The following SNTG1 variants were observed in gnomAD, a reference collection of about 807,000 sequenced individuals.
SNTG1 encodes gamma-1-syntrophin.
SNTG1 carries 39 observed loss-of-function variants against 74.7 expected under a neutral mutation model. That is an observed-to-expected ratio of 0.52 (90% CI 0.40 to 0.68). SNTG1 has a LOEUF of 0.68. Ranked by LOEUF, SNTG1 falls within the 30% of genes least tolerant of loss-of-function variation. The pLI, the probability that SNTG1 is intolerant of heterozygous loss-of-function variation, is 0.00. For synonymous variants in SNTG1, 254 were observed against 217.1 expected, an observed-to-expected ratio of 1.17 and a Z score of -1.49; for missense variants, 685 against 609.5, an observed-to-expected ratio of 1.12 and a Z score of -1.30.
chr8:49,989,583 C>T (rs1409198501), intron 1 of SNTG1, among the ~76,000 whole-genome samples: 2 of 151,910 alleles, frequency 1.3e-5, no homozygotes, highest in Non-Finnish European at 2.9e-5. Context: ...TAAGATGAAA[C>T]ACTTCCCAAC....
At chr8:50,508,331 T>G (rs1008906034) in intron 9 of SNTG1, among the ~76,000 whole-genome samples, 1 of 152,230 alleles carries the variant, frequency 6.6e-6, no homozygotes, top group Non-Finnish European at 1.5e-5. Flanking sequence ...TGTTGGATAT[T>G]TGGCTTGGTT....
chr8:50,391,298 C>G (rs191278142), intron 2 of SNTG1, among the ~76,000 whole-genome samples: 33 of 152,106 alleles, frequency 2.2e-4, no homozygotes, highest in Non-Finnish European at 2.8e-4. Context: ...TGAATTTTGT[C>G]GAAGGTCTTT....
In SNTG1 at chr8:50,714,780, G is replaced by T. The variant is rs184468115; in HGVS notation, c.1284+5802G>T. On this transcript the variant is annotated intron_variant, in intron 17 of 18. Transcript: ENST00000642720. ...GGCCACATGATCAAGGTCCAGCACAGGCTCAACCACAATCTAATTTACACA... is the reference window on the plus strand; with the variant it reads ...GGCCACATGATCAAGGTCCAGCACATGCTCAACCACAATCTAATTTACACA... Among the ~76,000 whole-genome samples the T allele has an allele frequency of 9.0e-4, 137 of 152,104 alleles. 1 individual carries two copies. The highest frequency in any genetic ancestry group is 6.8e-3 in the Middle Eastern group (2 of 294).
At chr8:50,722,553 T>C (rs1471582543) in intron 17 of SNTG1, among the ~76,000 whole-genome samples, 1 of 152,164 alleles carries the variant, frequency 6.6e-6, no homozygotes, top group East Asian at 1.9e-4. Flanking sequence ...TTCCTTCAAA[T>C]AAGATTTATC....
intron 13 of SNTG1, among the ~76,000 whole-genome samples, chr8:50,651,341 T>TA (rs1207350359): frequency 6.6e-6 from 1 of 152,092 alleles, no homozygotes; most frequent in African/African-American, 2.4e-5. Flanking sequence ...TGTTGAGACT[T>TA]AAAAAAATGC....
chr8:50,005,041 T>A (rs1815085939), intron 1 of SNTG1, among the ~76,000 whole-genome samples: 2 of 152,154 alleles, frequency 1.3e-5, no homozygotes, highest in South Asian at 4.1e-4. Flanking sequence ...TTTCTATAAA[T>A]ATAATAAAAT....
chr8:50,550,745 G>A (rs535864755), intron 11 of SNTG1, among the ~76,000 whole-genome samples: 14 of 151,828 alleles, frequency 9.2e-5, no homozygotes, highest in South Asian at 2.1e-4. Context: ...TAAGGTTACC[G>A]TTAATGCTGT....
intron 1 of SNTG1, chr8:49,915,153 T>C (rs1395782755): frequency 6.6e-6 from 1 of 152,180 alleles, no homozygotes; most frequent in Admixed American, 6.5e-5. Context: ...GAATTTTTCT[T>C]CCTTAAATTT....
At chr8:50,375,882 G>A (rs2092367815) in intron 2 of SNTG1, among the ~76,000 whole-genome samples, 2 of 152,130 alleles carry the variant, frequency 1.3e-5, no homozygotes, top group Admixed American at 6.5e-5. Context: ...AGGTTATATA[G>A]CAACTTTACG....
intron 2 of SNTG1, among the ~76,000 whole-genome samples, chr8:50,183,748 AC>A: frequency 6.6e-6 from 1 of 152,082 alleles, no homozygotes; most frequent in Middle Eastern, 3.4e-3. Flanking sequence ...TCAACTTGTG[AC>A]CCCCAAACCT....
intron 1 of SNTG1, among the ~76,000 whole-genome samples, chr8:50,145,204 T>C (rs1358075225): frequency 6.6e-6 from 1 of 151,952 alleles, no homozygotes; most frequent in East Asian, 1.9e-4. Flanking sequence ...TTGGAATGGA[T>C]TGAGGGATTG....
In SNTG1 at chr8:50,358,162, C is replaced by T. The variant is rs531859714; in HGVS notation, c.-27-36050C>T. Among the ~76,000 whole-genome samples the T allele has an allele frequency of 3.3e-5, 5 of 152,224 alleles. No individual in the cohort carries two copies. In the South Asian group the frequency reaches 1.0e-3, roughly 32 times the overall value. ...GAACAGCTGGGAGCAAGGTTTCTCT[C>T]GGGAACCCATAGGCTCTTTTCAGAA... is the stretch of plus-strand genomic sequence containing the variant. On this transcript the variant is annotated intron_variant, in intron 2 of 18. Transcript: ENST00000642720.
At chr8:50,018,740 T>G (rs1472476485) in intron 1 of SNTG1, among the ~76,000 whole-genome samples, 1 of 152,014 alleles carries the variant, frequency 6.6e-6, no homozygotes, top group African/African-American at 2.4e-5. Flanking sequence ...ATCATATATA[T>G]GGATCTAGAT....
At chr8:50,574,923 T>A (rs1228937387) in intron 12 of SNTG1, among the ~76,000 whole-genome samples, 1 of 152,226 alleles carries the variant, frequency 6.6e-6, no homozygotes, top group Non-Finnish European at 1.5e-5. Context: ...ATTAACATGC[T>A]GTTCAATATT....
intron 15 of SNTG1, among the ~76,000 whole-genome samples, chr8:50,672,693 A>G (rs893418393): frequency 3.9e-5 from 6 of 152,188 alleles, no homozygotes; most frequent in African/African-American, 1.2e-4. Flanking sequence ...TAGTTTAATT[A>G]GATCTCATTT....
At chr8:50,090,732 TG>T (rs1488023163) in intron 1 of SNTG1, among the ~76,000 whole-genome samples, 3 of 152,080 alleles carry the variant, frequency 2.0e-5, no homozygotes, top group Non-Finnish European at 4.4e-5. Context: ...GCAGGGAAGA[TG>T]GGTACTTGGG....
At chr8:50,526,047 T>C (rs1022754653) in intron 9 of SNTG1, among the ~76,000 whole-genome samples, 67 of 152,290 alleles carry the variant, frequency 4.4e-4, no homozygotes, top group African/African-American at 1.5e-3. Context: ...ATTCATCTTC[T>C]CTGGGCATGT....
chr8:49,970,648 G>A (rs1219979920), intron 1 of SNTG1, among the ~76,000 whole-genome samples: 1 of 152,184 alleles, frequency 6.6e-6, no homozygotes, highest in Non-Finnish European at 1.5e-5. Context: ...GAGGGTCAGA[G>A]AAGGTTATAA....
intron 1 of SNTG1, among the ~76,000 whole-genome samples, chr8:50,148,952 T>C (rs1231391685): frequency 6.6e-6 from 1 of 152,222 alleles, no homozygotes; most frequent in Non-Finnish European, 1.5e-5. Flanking sequence ...TTTCTAGTTC[T>C]AGATCCCTGA....
Sources: gnomAD v4.1 joint callset for allele counts (sites outside exome capture counted in the v4.1 genomes callset) on GRCh38, gnomAD v4.1.1 for gene constraint, MANE v1.5 for transcripts, NCBI Gene and HGNC (gene_info 2026-07-23, HGNC 2026-07-21) for gene names.